APCDD1: variants seen among roughly 807,000 people sequenced by gnomAD.
The protein encoded by APCDD1 is protein APCDD1.
Under a neutral mutation model 38.1 loss-of-function variants are expected in APCDD1, and 15 were observed. The ratio of observed to expected loss-of-function variants is 0.39; its 90% CI spans 0.26 to 0.61. APCDD1 has a LOEUF of 0.61. APCDD1 is among the 20% of genes least tolerant of loss of function. The probability of loss-of-function intolerance (pLI) is 0.49; values close to 1 mark genes in which losing one functional copy is unlikely to be tolerated. For synonymous variants in APCDD1, 261 were observed against 279.7 expected, an observed-to-expected ratio of 0.93 and a Z score of 0.67; for missense variants, 647 against 696.2, an observed-to-expected ratio of 0.93 and a Z score of 0.79.
intron 1 of APCDD1, among the ~76,000 whole-genome samples, chr18:10,460,118 T>G (rs948560485): frequency 6.6e-6 from 1 of 152,252 alleles, no homozygotes; most frequent in African/African-American, 2.4e-5. Flanking sequence ...TAATTTTACA[T>G]TTTATTATGT....
chr18:10,457,276 T>C (rs577896689), intron 1 of APCDD1, among the ~76,000 whole-genome samples: 1 of 152,302 alleles, frequency 6.6e-6, no homozygotes, highest in South Asian at 2.1e-4. Flanking sequence ...ATTCTTCCTT[T>C]CCCCTTTCCC....
At chr18:10,457,310 T>C (rs2143503494) in intron 1 of APCDD1, among the ~76,000 whole-genome samples, 1 of 152,346 alleles carries the variant, frequency 6.6e-6, no homozygotes, top group South Asian at 2.1e-4. Context: ...TTGATTGAAG[T>C]ACTTTTAACA....
rs985854202 is a variant in APCDD1, at chr18:10,471,465, A to G, written c.243-65A>G. 31 of 1,596,526 alleles carry G rather than the reference A, an allele frequency of 1.9e-5. No individual in the cohort carries two copies. In the Middle Eastern group the frequency reaches 5.0e-4, roughly 26 times the overall value. ...ATTATTTCTGTAATTTCTTAATACTATAATGAATCTCTTTCCCATACCTTC... is the reference window on the plus strand; with the variant it reads ...ATTATTTCTGTAATTTCTTAATACTGTAATGAATCTCTTTCCCATACCTTC... On this transcript the variant is annotated intron_variant, in intron 2 of 4. Coordinates refer to ENST00000355285, the MANE Select transcript of APCDD1 (RefSeq NM_153000.5). This position sits in a 1 kb window ranked among gnomAD's most constrained non-coding sequence, Gnocchi z 5.5.
chr18:10,487,339 C>A (rs1167019984), intron 4 of APCDD1, among the ~76,000 whole-genome samples: 2 of 152,168 alleles, frequency 1.3e-5, no homozygotes, highest in African/African-American at 4.8e-5. Flanking sequence ...GTTTCTACAC[C>A]AGATGGTCTG....
chr18:10,456,759 C>T (rs1039338213), intron 1 of APCDD1, among the ~76,000 whole-genome samples: 1 of 152,132 alleles, frequency 6.6e-6, no homozygotes, highest in East Asian at 1.9e-4. Context: ...TCAATGAAGA[C>T]AGGAGCTCCA....
Position 10,472,694 on chromosome 18 carries a change from T to C in APCDD1, c.774+633T>C, listed in dbSNP as rs978959774. 1.3e-5 allele frequency among the ~76,000 whole-genome samples: 2 copies of C among 152,238 alleles called. No homozygotes were observed. Among genetic ancestry groups the C allele is most frequent in the Non-Finnish European group, 1.5e-5 (1 of 68,034 alleles). ...AAAGGTCCTTCCTCCATACCCCACG[T>C]TCTTTTCATTTCACTAAGGAAAATG... On this transcript the variant is annotated intron_variant, in intron 3 of 4. Transcript: ENST00000355285. The surrounding 1 kb of genome is among the most constrained non-coding windows in gnomAD (Gnocchi z 6.6).
At chr18:10,479,696 G>T (rs949946624) in intron 3 of APCDD1, among the ~76,000 whole-genome samples, 63 of 152,138 alleles carry the variant, frequency 4.1e-4, no homozygotes, top group African/African-American at 1.4e-3. Flanking sequence ...TTCTCTCCAG[G>T]TGCCTTAGTT....
chr18:10,475,890 G>A lies in APCDD1; in HGVS notation c.774+3829G>A. Reference sequence around the variant, plus strand: ...CCTTGTACCTCTTGGCCTGCAGTGTGCAGCGGAGTCTTCAGGAAGTTTTCA... The same window carrying A: ...CCTTGTACCTCTTGGCCTGCAGTGTACAGCGGAGTCTTCAGGAAGTTTTCA... On this transcript the variant is annotated intron_variant, in intron 3 of 4. Coordinates refer to ENST00000355285, the MANE Select transcript of APCDD1 (RefSeq NM_153000.5). This position sits in a 1 kb window ranked among gnomAD's most constrained non-coding sequence, Gnocchi z 4.0. 6.6e-6 allele frequency: 1 copy of A among 152,220 alleles called. No homozygotes were observed. Among genetic ancestry groups the A allele is most frequent in the Non-Finnish European group, 1.5e-5 (1 of 68,110 alleles). The allele number at this position is 152,220 out of a possible 1,614,324, so 9.4% of individuals were successfully genotyped here.
At position 10,471,416 on chromosome 18, in the gene APCDD1, C is replaced by T; in HGVS notation, c.243-114C>T. The T allele has an allele frequency of 7.4e-7, 1 of 1,348,930 alleles. No individual in the cohort carries two copies. Among genetic ancestry groups the T allele is most frequent in the African/African-American group, 1.4e-5 (1 of 69,128 alleles). 83.6% of individuals were successfully genotyped at this position (1,348,930 alleles called of 1,614,324 possible). On this transcript the variant is annotated intron_variant, in intron 2 of 4. Coordinates refer to ENST00000355285, the MANE Select transcript of APCDD1 (RefSeq NM_153000.5). The surrounding 1 kb of genome is among the most constrained non-coding windows in gnomAD (Gnocchi z 5.5). ...ATCTATAAAGGGCTGACAACAGAGTCTGGCCCATCGTCAGCACTTTATTAT... is the reference window on the plus strand; with the variant it reads ...ATCTATAAAGGGCTGACAACAGAGTTTGGCCCATCGTCAGCACTTTATTAT...
At chr18:10,463,899 G>A (rs1465763460) in intron 1 of APCDD1, among the ~76,000 whole-genome samples, 1 of 152,170 alleles carries the variant, frequency 6.6e-6, no homozygotes, top group Non-Finnish European at 1.5e-5. Context: ...TGTTCTTGGG[G>A]AGCTGTGCCA....
At chr18:10,456,501 A>G (rs919971278) in intron 1 of APCDD1, among the ~76,000 whole-genome samples, 1 of 152,228 alleles carries the variant, frequency 6.6e-6, no homozygotes, top group Non-Finnish European at 1.5e-5. Context: ...AAGAAAAAAG[A>G]TAGTATGGTC....
At chr18:10,463,403 C>T (rs2030621409) in intron 1 of APCDD1, among the ~76,000 whole-genome samples, 1 of 152,112 alleles carries the variant, frequency 6.6e-6, no homozygotes, top group Admixed American at 6.5e-5. Context: ...GTTCTAGTCC[C>T]GAATTTGGAA....
chr18:10,468,540 TG>T lies in APCDD1; in HGVS notation c.132del (p.Trp44Ter). 1 of 1,614,160 alleles carries T rather than the reference TG, an allele frequency of 6.2e-7. No homozygotes were observed. Among genetic ancestry groups the T allele is most frequent in the Non-Finnish European group, 8.5e-7 (1 of 1,180,028 alleles). On this transcript the variant is annotated frameshift_variant, in exon 2 of 5. Transcript: ENST00000355285. LOFTEE classifies it high-confidence loss of function. The stretch of plus-strand genomic sequence containing the variant: ...TCCTAGGTCCTTAGAGAAAAGTGCC[TG>T]GAGGGCTTTTAAGGAGTCACAGTGC... ...SHPRSLEKSA[W>X]RAFKESQCHH...
At chr18:10,481,546 G>A (rs144847783) in intron 3 of APCDD1, among the ~76,000 whole-genome samples, 177 of 152,182 alleles carry the variant, frequency 1.2e-3, no homozygotes, top group African/African-American at 4.0e-3. Context: ...AGAATGAGGC[G>A]TTAGTGTTTA....
At chr18:10,468,374 C>CT in intron 1 of APCDD1, 95 bp from the exon 2 acceptor site, 1 of 1,321,814 alleles carries the variant, frequency 7.6e-7, no homozygotes, top group Non-Finnish European at 1.1e-6. Flanking sequence ...CATTTCCCAC[C>CT]TTCAGCCACT....
chr18:10,477,403 T>A (rs1047492708), intron 3 of APCDD1: 5 of 152,264 alleles, frequency 3.3e-5, no homozygotes, highest in African/African-American at 9.6e-5. Flanking sequence ...GTTGCTTTTG[T>A]GGACCTTTTA....
chr18:10,489,831 A>G lies in APCDD1; in HGVS notation c.*1793A>G, dbSNP rs1348041321. On this transcript the variant is annotated 3_prime_UTR_variant, in exon 5 of 5. Transcript: ENST00000355285. Reference sequence around the variant, plus strand: ...GGTGCAGACTGAGGGGGCTTATTCAAAATGAAAATACTAACTTAAATGGCC... The same window carrying G: ...GGTGCAGACTGAGGGGGCTTATTCAGAATGAAAATACTAACTTAAATGGCC... The G allele has an allele frequency of 1.3e-5, 2 of 152,250 alleles. No individual in the cohort carries two copies. Among genetic ancestry groups the G allele is most frequent in the African/African-American group, 4.8e-5 (2 of 41,458 alleles). The allele number at this position is 152,250 out of a possible 1,614,324, so 9.4% of individuals were successfully genotyped here.
intron 3 of APCDD1, among the ~76,000 whole-genome samples, chr18:10,474,497 G>T (rs1040962290): frequency 6.6e-6 from 1 of 152,234 alleles, no homozygotes; most frequent in Non-Finnish European, 1.5e-5. Context: ...CTTGCTGGGC[G>T]GGCGTGGGCC....
intron 1 of APCDD1, among the ~76,000 whole-genome samples, chr18:10,462,188 T>G (rs192829645): frequency 4.6e-5 from 7 of 152,320 alleles, no homozygotes; most frequent in African/African-American, 1.4e-4. Context: ...TAGCATTATA[T>G]ATAATAAGCA....
Sources: gnomAD v4.1 joint callset for allele counts (sites outside exome capture counted in the v4.1 genomes callset) on GRCh38, gnomAD v4.1.1 for gene constraint, Gnocchi (gnomAD v3.1) non-coding constraint, MANE v1.5 for transcripts, NCBI Gene and HGNC (gene_info 2026-07-23, HGNC 2026-07-21) for gene names.